The following ADAMTS9 variants were observed in gnomAD, a reference collection of about 807,000 sequenced individuals.
The protein encoded by ADAMTS9 is ADAM metallopeptidase with thrombospondin type 1 motif 9, also known as A disintegrin and metalloproteinase with thrombospondin motifs 9.
In ADAMTS9, 107 loss-of-function variants were observed where a neutral mutation model predicts 257.1. The observed-to-expected ratio is 0.42, with a 90% CI of 0.36 to 0.49. The LOEUF is 0.49. Among genes scored for constraint, ADAMTS9 ranks in the 20% least tolerant of loss-of-function variants. ADAMTS9 has a pLI of 0.03. For synonymous variants in ADAMTS9, 982 were observed against 880.9 expected (o/e 1.11, Z -2.03); for missense variants, 2,353 against 2,469.1 (o/e 0.95, Z 1.00).
At chr3:64,620,203 G>A (rs1700072754) in intron 19 of ADAMTS9, among the ~76,000 whole-genome samples, 1 of 152,190 alleles carries the variant, frequency 6.6e-6, no homozygotes, top group Admixed American at 6.5e-5. Context: ...CACTTCCATG[G>A]CAGACATTAG....
At chr3:64,541,653 G>A in intron 33 of ADAMTS9, 33 bp from the exon 34 acceptor site, 1 of 1,582,012 alleles carries the variant, frequency 6.3e-7, no homozygotes, top group Non-Finnish European at 8.7e-7. Context: ...AATAGGGTGT[G>A]ATGATCCGAG....
intron 3 of ADAMTS9, among the ~76,000 whole-genome samples, chr3:64,672,223 C>G (rs1701508814): frequency 1.3e-5 from 2 of 152,200 alleles, no homozygotes; most frequent in South Asian, 4.1e-4. Context: ...ATCAAGTATT[C>G]ACCCTTGTAG....
At chr3:64,639,706 G>T (rs927369869) in intron 12 of ADAMTS9, among the ~76,000 whole-genome samples, 1 of 152,066 alleles carries the variant, frequency 6.6e-6, no homozygotes, top group African/African-American at 2.4e-5. Context: ...GCTCAATGTA[G>T]CCACCAAATA....
At position 64,522,171 on chromosome 3, in the gene ADAMTS9, C is replaced by G; in HGVS notation, c.5808G>C (p.Ter1936TyrextTer13). 1 of 1,613,740 alleles carries G rather than the reference C, an allele frequency of 6.2e-7. No homozygotes were observed. Among genetic ancestry groups the G allele is most frequent in the Non-Finnish European group, 8.5e-7 (1 of 1,179,700 alleles). ...SGTGLEVRVL* is the reference protein window; with the variant it reads ...SGTGLEVRVLY Reference sequence around the variant, plus strand: ...ACAGACATAGGACTACTTACCTTAGCTATAAAACTCGCACCTCCAGGCCAG... The same window carrying G: ...ACAGACATAGGACTACTTACCTTAGGTATAAAACTCGCACCTCCAGGCCAG... Residue 1936 changes from the stop codon to tyrosine, a stop_lost, in exon 39 of 40, where the codon TAG (stop) becomes TAC (tyrosine). Coordinates refer to ENST00000498707, the MANE Select transcript of ADAMTS9 (RefSeq NM_182920.2).
intron 22 of ADAMTS9, 133 bp from the exon 23 acceptor site, chr3:64,607,212 G>T: frequency 8.9e-7 from 1 of 1,124,842 alleles, no homozygotes; most frequent in East Asian, 2.4e-5. Flanking sequence ...AATAAACTAG[G>T]TCGAAGTGGG....
intron 25 of ADAMTS9, 122 bp downstream of exon 25, chr3:64,603,800 G>C: frequency 8.6e-7 from 1 of 1,156,626 alleles, no homozygotes; most frequent in Middle Eastern, 2.8e-4. Context: ...TAAATCATAA[G>C]ACAAATCCAG....
intron 31 of ADAMTS9, among the ~76,000 whole-genome samples, chr3:64,548,778 G>A (rs2083234169): frequency 6.6e-6 from 1 of 152,242 alleles, no homozygotes; most frequent in South Asian, 2.1e-4. Flanking sequence ...CCATTTCAGA[G>A]AGAAACTCAT....
At chr3:64,525,897 G>C (rs2082903898) in intron 38 of ADAMTS9, among the ~76,000 whole-genome samples, 1 of 148,166 alleles carries the variant, frequency 6.7e-6, no homozygotes, top group Admixed American at 6.9e-5. Context: ...CCAAGTTATA[G>C]TATTTAATAG....
At chr3:64,661,746 T>A (rs1701228550) in intron 3 of ADAMTS9, among the ~76,000 whole-genome samples, 1 of 152,190 alleles carries the variant, frequency 6.6e-6, no homozygotes, top group African/African-American at 2.4e-5. Flanking sequence ...ATGGAAGCTA[T>A]GTTGAAAATT....
intron 30 of ADAMTS9, among the ~76,000 whole-genome samples, chr3:64,560,254 G>C (rs1031390928): frequency 3.9e-5 from 6 of 152,178 alleles, no homozygotes; most frequent in Non-Finnish European, 8.8e-5. Flanking sequence ...TGTGGCTCAA[G>C]AGCTGTTAAT....
intron 3 of ADAMTS9, among the ~76,000 whole-genome samples, chr3:64,667,394 C>A (rs1023814384): frequency 2.0e-5 from 3 of 152,166 alleles, no homozygotes; most frequent in African/African-American, 7.2e-5. Context: ...AGTTAAGAGG[C>A]AAGTGATGGG....
At chr3:64,685,661 C>T (rs1701883578) in intron 2 of ADAMTS9, among the ~76,000 whole-genome samples, 1 of 152,230 alleles carries the variant, frequency 6.6e-6, no homozygotes, top group African/African-American at 2.4e-5. Flanking sequence ...GGGGAACCAA[C>T]GTGGATTCCC....
intron 37 of ADAMTS9, among the ~76,000 whole-genome samples, chr3:64,533,785 C>T (rs1294329184): frequency 6.6e-6 from 1 of 152,186 alleles, no homozygotes; most frequent in Non-Finnish European, 1.5e-5. Flanking sequence ...AGGCGCTTTC[C>T]CCAGGACGGT....
intron 11 of ADAMTS9, 28 bp from the exon 12 acceptor site, chr3:64,642,021 G>A: frequency 6.2e-7 from 1 of 1,612,666 alleles, no homozygotes; most frequent in East Asian, 2.2e-5. Flanking sequence ...AATAGTGAGG[G>A]AGACTTGGCG....
intron 39 of ADAMTS9, among the ~76,000 whole-genome samples, chr3:64,517,754 A>G (rs189971364): frequency 2.6e-5 from 4 of 152,242 alleles, no homozygotes; most frequent in African/African-American, 9.6e-5. Flanking sequence ...TATTGTATAT[A>G]CGTGCTATAT....
intron 19 of ADAMTS9, 91 bp from the exon 20 acceptor site, chr3:64,616,261 C>CT: frequency 7.3e-7 from 1 of 1,379,170 alleles, no homozygotes; most frequent in Admixed American, 1.8e-5. Context: ...GAGTTGAGTT[C>CT]TTTTTTCTTT....
chr3:64,641,368 G>A (rs564529919), intron 12 of ADAMTS9, among the ~76,000 whole-genome samples: 2 of 150,728 alleles, frequency 1.3e-5, no homozygotes, highest in South Asian at 4.2e-4. Flanking sequence ...CGTGCACAAT[G>A]TGCAGGTTAG....
intron 20 of ADAMTS9, 118 bp from the exon 21 acceptor site, chr3:64,615,603 C>T: frequency 1.8e-6 from 2 of 1,097,044 alleles, no homozygotes; most frequent in African/African-American, 1.6e-5. Context: ...CTGGCCAACT[C>T]TAGTTATTTT....
At chr3:64,591,091 T>C (rs74563683) in intron 28 of ADAMTS9, among the ~76,000 whole-genome samples, 1,914 of 152,310 alleles carry the variant, frequency 0.013, 71 homozygotes, top group East Asian at 0.077. Flanking sequence ...CATAGACTAC[T>C]TAATGTCCTC....
Sources: allele counts gnomAD v4.1 joint callset (sites outside exome capture counted in the v4.1 genomes callset), GRCh38; gene constraint gnomAD v4.1.1; transcripts MANE v1.5; gene names NCBI Gene and HGNC (gene_info 2026-07-23, HGNC 2026-07-21).